Variants in STRN4 observed in about 807,000 individuals in gnomAD.
STRN4 encodes the protein striatin 4, also known as striatin-4.
STRN4 carries 27 observed loss-of-function variants against 77.9 expected under a neutral mutation model. The ratio of observed to expected loss-of-function variants is 0.35; its 90% CI spans 0.26 to 0.48. The LOEUF (loss-of-function observed/expected upper bound fraction) is 0.48, where lower values mean the gene tolerates loss of function less well. Among genes scored for constraint, STRN4 ranks in the 20% least tolerant of loss-of-function variants. The pLI is 0.99. For synonymous variants in STRN4, 466 were observed against 443.1 expected, an observed-to-expected ratio of 1.05 and a Z score of -0.65; for missense variants, 798 against 1,049.7, an observed-to-expected ratio of 0.76 and a Z score of 3.31.
At chr19:46,727,420 G>A (rs747549235) in intron 9 of STRN4, 32 bp downstream of exon 9, 2 of 1,587,082 alleles carry the variant, frequency 1.3e-6, no homozygotes, top group Non-Finnish European at 1.7e-6. Context: ...AATGCCAATG[G>A]GGACAGTGTG....
At chr19:46,729,577 A>G (rs1008601788) in intron 6 of STRN4, among the ~76,000 whole-genome samples, 1 of 152,224 alleles carries the variant, frequency 6.6e-6, no homozygotes, top group Non-Finnish European at 1.5e-5. Context: ...GGGAGGGTTT[A>G]GACAGCATGC....
At chr19:46,730,927 C>A (rs2054236585) in intron 5 of STRN4, 54 bp from the exon 6 acceptor site, 1 of 1,595,362 alleles carries the variant, frequency 6.3e-7, no homozygotes, top group South Asian at 1.1e-5. Flanking sequence ...TGTCAAAGCT[C>A]AGATAGGAAG....
intron 6 of STRN4, among the ~76,000 whole-genome samples, chr19:46,729,221 GACCACTGACT>G (rs1257264157): frequency 4.6e-5 from 7 of 152,192 alleles, no homozygotes; most frequent in Non-Finnish European, 8.8e-5. Flanking sequence ...CTCACTGAAT[GACCACTGACT>G]ACCCCTCGCA....
At chr19:46,728,124 G>T (rs1193668036) in intron 7 of STRN4, 117 bp from the exon 8 acceptor site, 2 of 978,134 alleles carry the variant, frequency 2.0e-6, no homozygotes, top group Non-Finnish European at 3.2e-6. Context: ...TGAAGCTCTG[G>T]CCCTGGGGGA....
At position 46,741,782 on chromosome 19, in the gene STRN4, C is replaced by G. The variant is rs1025717097; in HGVS notation, c.283-2894G>C. Among the ~76,000 whole-genome samples the G allele has an allele frequency of 6.6e-6, 1 of 152,240 alleles. No homozygotes were observed. Among genetic ancestry groups the G allele is most frequent in the Non-Finnish European group, 1.5e-5 (1 of 68,042 alleles). ...AATTCAGTCCTCCCAGGAGCTGATG[C>G]CTCTCTGAATTCGCTGCTTCCTGTC... On this transcript the variant is annotated intron_variant, in intron 1 of 17. Coordinates refer to ENST00000263280, the MANE Select transcript of STRN4 (RefSeq NM_013403.3). This position sits in a 1 kb window ranked among gnomAD's most constrained non-coding sequence, Gnocchi z 4.9.
intron 9 of STRN4, among the ~76,000 whole-genome samples, chr19:46,726,687 G>A (rs1478113968): frequency 1.3e-5 from 2 of 152,146 alleles, no homozygotes; most frequent in Non-Finnish European, 2.9e-5. Context: ...GCCAGGTTCC[G>A]GAGAGATGAC....
At chr19:46,724,249 C>CAAAAAAAAAAAAAAAAAAA (rs71970589) in intron 12 of STRN4, among the ~76,000 whole-genome samples, 4 of 87,182 alleles carry the variant, frequency 4.6e-5, no homozygotes, top group East Asian at 6.3e-4. Context: ...CTCTTTGTCT[C>CAAAAAAAAAAAAAAAAAAA]AAAAAAAAAA....
rs765774006 is a variant in STRN4 at position 46,738,809 on chromosome 19, A to G, written c.362T>C (p.Leu121Pro). The G allele has an allele frequency of 1.2e-6, 2 of 1,614,152 alleles. No individual in the cohort carries two copies. The highest frequency in any genetic ancestry group is 3.3e-5 in the Admixed American group (2 of 60,028). The change falls in exon 2 of 18, where the codon CTA (leucine) becomes CCA (proline). Residue 121 changes from leucine to proline, a missense_variant. Around this residue, in one of 2 missense-constraint regions of STRN4, gnomAD observed 511 missense variants for 575.9 expected, o/e 0.89. Coordinates refer to ENST00000263280, the MANE Select transcript of STRN4 (RefSeq NM_013403.3). The surrounding 1 kb of genome is among the most constrained non-coding windows in gnomAD (Gnocchi z 4.5). ...KTDLVRRIKM[L>P]EYALKQERAK... ...CCTTTCCTGCTTCAGCGCATACTCT[A>G]GCATCTTGATCCGCCGCACCAGGTC...
At chr19:46,726,855 G>GTACTTCC (rs1331986374) in intron 9 of STRN4, among the ~76,000 whole-genome samples, 1 of 152,122 alleles carries the variant, frequency 6.6e-6, no homozygotes, top group African/African-American at 2.4e-5. Context: ...TCAGAACACT[G>GTACTTCC]CACTTCCCCA....
Position 46,746,094 on chromosome 19 carries a change from AGGCCG to A in STRN4, c.282+50_282+54del, listed in dbSNP as rs568014119. On this transcript the variant is annotated intron_variant, in intron 1 of 17. Transcript: ENST00000263280. ...ATGGCGGCGGCGGCGGCAGCGGGTGAGGCCGGGCCGGGCCGGGCCGGGTTGGGGGT... is the reference window on the plus strand; with the variant it reads ...ATGGCGGCGGCGGCGGCAGCGGGTGAGGCCGGGCCGGGCCGGGTTGGGGGT... 708 of 1,244,078 alleles carry A rather than the reference AGGCCG, an allele frequency of 5.7e-4. 1 individual carries two copies. The African/African-American group carries it at 8.8e-3, about 16-fold the overall frequency. 77.1% of individuals were successfully genotyped at this position (1,244,078 alleles called of 1,614,324 possible). A position where few individuals can be genotyped will look rare whatever the true frequency, so the allele number is the denominator to read the frequency against.
At chr19:46,736,116 A>G (rs1476468764) in intron 4 of STRN4, 1 of 151,858 alleles carries the variant, frequency 6.6e-6, no homozygotes, top group Non-Finnish European at 1.5e-5. Flanking sequence ...TCTACTAAAA[A>G]ATACAAAAAT....
intron 16 of STRN4, 149 bp downstream of exon 16, chr19:46,721,837 C>T: frequency 1.3e-6 from 1 of 753,038 alleles, no homozygotes; most frequent in Non-Finnish European, 2.2e-6. Context: ...GACTGTGCTG[C>T]CCCCTATGGT....
At position 46,746,395 on chromosome 19, in the gene STRN4, GGCGGCGACC is replaced by G; in HGVS notation, c.27_35del (p.Val10_Ala12del). 1 of 1,075,018 alleles carries G rather than the reference GGCGGCGACC, an allele frequency of 9.3e-7. No homozygotes were observed. The highest frequency in any genetic ancestry group is 1.1e-6 in the Non-Finnish European group (1 of 890,432). The allele number at this position is 1,075,018 out of a possible 1,614,324, so 66.6% of individuals were successfully genotyped here. A position where few individuals can be genotyped will look rare whatever the true frequency, so the allele number is the denominator to read the frequency against. On this transcript the variant is annotated inframe_deletion, in exon 1 of 18. Coordinates refer to ENST00000263280, the MANE Select transcript of STRN4 (RefSeq NM_013403.3). ...CGAGCGGACGGCAGGAGGAGGCGGC[GGCGGCGACC>G]GCGGCGGCCGCTCGCTCCTCCATCA...
At chr19:46,721,372 AC>A in intron 16 of STRN4, 1 of 154,314 alleles carries the variant, frequency 6.5e-6, no homozygotes, top group Middle Eastern at 3.4e-3. Context: ...CTGTCTGGGC[AC>A]TGGGCTGGAG....
chr19:46,731,206 ACT>A (rs1455148648), intron 5 of STRN4, among the ~76,000 whole-genome samples: 2 of 152,170 alleles, frequency 1.3e-5, no homozygotes, highest in Admixed American at 1.3e-4. Context: ...AGTGCCACTG[ACT>A]CAGCAGTCCC....
At position 46,727,519 on chromosome 19, in the gene STRN4, C is replaced by A; in HGVS notation, c.1181G>T (p.Gly394Val). 6.2e-7 allele frequency: 1 copy of A among 1,613,932 alleles called. No individual in the cohort carries two copies. Among genetic ancestry groups the A allele is most frequent in the Non-Finnish European group, 8.5e-7 (1 of 1,179,944 alleles). The change falls in exon 9 of 18, where the codon GGC becomes GTC. Residue 394 changes from glycine (G) to valine (V), a missense_variant. Coordinates refer to ENST00000263280, the MANE Select transcript of STRN4 (RefSeq NM_013403.3). ...CAAGTCCCCCAGGCTCACCTCCCCG[C>A]CCCCGATAGTGTCCATGATGAAGAC... ...EDVFIMDTIG[G>V]GEVSLGDLAD...
chr19:46,724,092 A>C (rs2054044514), intron 12 of STRN4, among the ~76,000 whole-genome samples: 1 of 152,042 alleles, frequency 6.6e-6, no homozygotes, highest in African/African-American at 2.4e-5. Context: ...TACCAAAAAT[A>C]CAAAAAATAG....
rs568014119 is a variant in STRN4, at chr19:46,746,094, A to AGGCCG, written c.282+50_282+54dup. ...ATGGCGGCGGCGGCGGCAGCGGGTG[A>AGGCCG]GGCCGGGCCGGGCCGGGCCGGGTTG... On this transcript the variant is annotated intron_variant, in intron 1 of 17. Transcript: ENST00000263280. The AGGCCG allele has an allele frequency of 0.12, 144,107 of 1,242,240 alleles. 8,217 individuals are homozygous for AGGCCG. The highest frequency in any genetic ancestry group is 0.13 in the Non-Finnish European group (126,241 of 984,340). 77.0% of individuals were successfully genotyped at this position (1,242,240 alleles called of 1,614,324 possible). A position where few individuals can be genotyped will look rare whatever the true frequency, so the allele number is the denominator to read the frequency against.
rs2054407834 is a variant in STRN4 at position 46,738,240 on chromosome 19, A to G, written c.387-3T>C. On this transcript the variant is annotated splice_region_variant and splice_polypyrimidine_tract_variant and intron_variant, in intron 2 of 17. Transcript: ENST00000263280. This position sits in a 1 kb window ranked among gnomAD's most constrained non-coding sequence, Gnocchi z 4.5. The stretch of plus-strand genomic sequence containing the variant: ...ACTTCAGTTTATGATATTTGGCCCT[A>G]AAAGAGCAAATGATTAATGAATAAG... 1.9e-6 allele frequency: 3 copies of G among 1,613,866 alleles called. No homozygotes were observed.
Sources: allele counts gnomAD v4.1 joint callset (sites outside exome capture counted in the v4.1 genomes callset), GRCh38; gene constraint gnomAD v4.1.1; regional missense constraint gnomAD v4.1.1; non-coding constraint Gnocchi (gnomAD v3.1); transcripts MANE v1.5; gene names NCBI Gene and HGNC (gene_info 2026-07-23, HGNC 2026-07-21).